Variants in JMJD6 observed in about 807,000 individuals in gnomAD.
JMJD6 encodes bifunctional arginine demethylase and lysyl-hydroxylase JMJD6.
JMJD6 carries 17 observed loss-of-function variants against 45.8 expected under a neutral mutation model. That is an observed-to-expected ratio of 0.37 (90% CI 0.25 to 0.56). The LOEUF is 0.56. Ranked by LOEUF, JMJD6 falls within the 20% of genes least tolerant of loss-of-function variation. The pLI is 0.79. For missense variants in JMJD6, 470 were observed against 517.5 expected (o/e 0.91, Z 0.89); for synonymous variants, 221 against 196.3 (o/e 1.13, Z -1.05).
chr17:76,716,768 T>A, downstream of JMJD6: 1 of 1,608,906 alleles, frequency 6.2e-7, no homozygotes, highest in Non-Finnish European at 8.5e-7. Flanking sequence ...GTAGACAGCA[T>A]GCTGGGTACA....
Position 76,726,381 on chromosome 17 carries a change from T to C in JMJD6, c.95A>G (p.Tyr32Cys), listed in dbSNP as rs755137424. The C allele has an allele frequency of 8.4e-5, 134 of 1,602,080 alleles. No individual in the cohort carries two copies. Among genetic ancestry groups the C allele is most frequent in the East Asian group, 9.3e-5 (4 of 43,102 alleles). Residue 32 changes from tyrosine (Y) to cysteine (C), a missense_variant, in exon 1 of 6, where the codon TAC (tyrosine) becomes TGC (cysteine). Transcript: ENST00000397625. Reference protein sequence around the residue: ...DSLDWTRHNYYESFSLSPAAV... With the variant: ...DSLDWTRHNYCESFSLSPAAV... Reference sequence around the variant, plus strand: ...CGCCGGGCTCAGCGAGAAGCTCTCGTAGTAGTTGTGCCGGGTCCAATCCAG... The same window carrying C: ...CGCCGGGCTCAGCGAGAAGCTCTCGCAGTAGTTGTGCCGGGTCCAATCCAG...
At chr17:76,716,123 T>A (rs1469752052), downstream of JMJD6, 1 of 152,734 alleles carries the variant, frequency 6.5e-6, no homozygotes, top group Non-Finnish European at 1.5e-5. Context: ...TCAGTCTCTA[T>A]GATGATGGAG....
chr17:76,717,123 G>A (rs1202942985), downstream of JMJD6, among the ~76,000 whole-genome samples: 2 of 152,166 alleles, frequency 1.3e-5, no homozygotes, highest in Non-Finnish European at 2.9e-5. Context: ...GAAAGACTGA[G>A]CTGCTGGGAG....
chr17:76,717,466 G>A (rs1426963405), downstream of JMJD6, among the ~76,000 whole-genome samples: 1 of 152,200 alleles, frequency 6.6e-6, no homozygotes, highest in Non-Finnish European at 1.5e-5. Context: ...TCCATTATGA[G>A]CCTGTTACAT....
At chr17:76,722,056 G>A (rs2076832260) in intron 3 of JMJD6, 123 bp from the exon 4 acceptor site, 2 of 1,040,536 alleles carry the variant, frequency 1.9e-6, no homozygotes, top group Admixed American at 2.7e-5. Context: ...CATGATACAG[G>A]GTAGTTCCTT....
chr17:76,713,031 T>C (rs1458444616), exon 7 of JMJD6: 3 of 152,222 alleles, frequency 2.0e-5, no homozygotes, highest in Non-Finnish European at 2.9e-5. Context: ...AGTTCTTCTG[T>C]AGCATCCAGT....
intron 2 of JMJD6, among the ~76,000 whole-genome samples, chr17:76,725,013 A>G (rs905279952): frequency 2.0e-5 from 3 of 152,192 alleles, no homozygotes; most frequent in Non-Finnish European, 4.4e-5. Context: ...GGCAGGCCTC[A>G]GGAGCCCCCT....
downstream of JMJD6, among the ~76,000 whole-genome samples, chr17:76,717,379 C>T (rs531291918): frequency 2.8e-4 from 42 of 152,288 alleles, no homozygotes; most frequent in South Asian, 8.3e-3. Context: ...CTTCCAACAA[C>T]CTCTCTTAAC....
chr17:76,713,619 G>A (rs974439490), downstream of JMJD6: 6 of 152,028 alleles, frequency 3.9e-5, no homozygotes, highest in African/African-American at 1.2e-4. Flanking sequence ...CCTACAGCTG[G>A]GGCATCCTTA....
chr17:76,722,213 T>A (rs2076834362), intron 3 of JMJD6, among the ~76,000 whole-genome samples: 1 of 152,178 alleles, frequency 6.6e-6, no homozygotes, highest in African/African-American at 2.4e-5. Flanking sequence ...TTACCTAAAA[T>A]ATTGACTCCC....
At chr17:76,723,247 GCATA>G (rs1598379316) in intron 3 of JMJD6, among the ~76,000 whole-genome samples, 2 of 151,922 alleles carry the variant, frequency 1.3e-5, no homozygotes, top group East Asian at 3.9e-4. Flanking sequence ...CACCGGGCCT[GCATA>G]CAGTTTATCA....
Position 76,723,821 on chromosome 17 carries a change from G to A in JMJD6, c.756C>T (p.Phe252=). The A allele has an allele frequency of 6.2e-7, 1 of 1,614,156 alleles. No homozygotes were observed. The highest frequency in any genetic ancestry group is 8.5e-7 in the Non-Finnish European group (1 of 1,180,024). ...RTQLPTWPPE[F]KPLEILQKPG... is the part of the protein sequence containing the mutation. Reference sequence around the variant, plus strand: ...GTTTTTGTAAGATTTCCAGGGGTTTGAATTCAGGTGGCCAGGTTGGAAGCT... The same window carrying A: ...GTTTTTGTAAGATTTCCAGGGGTTTAAATTCAGGTGGCCAGGTTGGAAGCT... Residue 252 remains phenylalanine, a synonymous_variant, in exon 3 of 6, where the codon TTC becomes TTT. Coordinates refer to ENST00000397625, the MANE Select transcript of JMJD6 (RefSeq NM_015167.3).
Position 76,724,063 on chromosome 17 carries a change from A to G in JMJD6, c.519-5T>C, listed in dbSNP as rs777180501. 3 of 1,612,452 alleles carry G rather than the reference A, an allele frequency of 1.9e-6. No homozygotes were observed. Among genetic ancestry groups the G allele is most frequent in the Non-Finnish European group, 2.5e-6 (3 of 1,178,754 alleles). On this transcript the variant is annotated splice_region_variant and splice_polypyrimidine_tract_variant and intron_variant, in intron 2 of 5. Coordinates refer to ENST00000397625, the MANE Select transcript of JMJD6 (RefSeq NM_015167.3). Reference sequence around the variant, plus strand: ...GGTGGCCCCATCACAAACCACCTACAGAATGGAGATATCCAAGATGTGAAG... The same window carrying G: ...GGTGGCCCCATCACAAACCACCTACGGAATGGAGATATCCAAGATGTGAAG...
Position 76,721,785 on chromosome 17 carries a change from A to C in JMJD6, c.941+13T>G. 1 of 1,608,416 alleles carries C rather than the reference A, an allele frequency of 6.2e-7. No individual in the cohort carries two copies. The highest frequency in any genetic ancestry group is 8.5e-7 in the Non-Finnish European group (1 of 1,177,336). ...TTGAAACCAAGCAGAAATAAGAAAA[A>C]AATGACTCTCACCTATACCATTTCC... is the stretch of plus-strand genomic sequence containing the variant. On this transcript the variant is annotated intron_variant, in intron 4 of 5. Coordinates refer to ENST00000397625, the MANE Select transcript of JMJD6 (RefSeq NM_015167.3).
downstream of JMJD6, among the ~76,000 whole-genome samples, chr17:76,718,034 G>A (rs1039042296): frequency 6.0e-5 from 9 of 150,952 alleles, no homozygotes; most frequent in Admixed American, 4.0e-4. Flanking sequence ...ATGGTGGGGT[G>A]AATCTGTAGT....
At position 76,724,123 on chromosome 17, in the gene JMJD6, T is replaced by C. The variant is rs2076865149; in HGVS notation, c.519-65A>G. The C allele has an allele frequency of 3.9e-6, 6 of 1,549,838 alleles. No individual in the cohort carries two copies. In the East Asian group the frequency reaches 1.4e-4, roughly 35 times the overall value. On this transcript the variant is annotated intron_variant, in intron 2 of 5. Coordinates refer to ENST00000397625, the MANE Select transcript of JMJD6 (RefSeq NM_015167.3). ...CTTACACACATACCACACAAAACAA[T>C]AAGTTTTTAGTTTTTCTTTGAGAGT...
chr17:76,724,945 C>T (rs967432419), intron 2 of JMJD6, among the ~76,000 whole-genome samples: 1 of 152,180 alleles, frequency 6.6e-6, no homozygotes, highest in African/African-American at 2.4e-5. Flanking sequence ...GAAGAGCTTT[C>T]AGAAATTCTG....
intron 4 of JMJD6, among the ~76,000 whole-genome samples, 180 bp downstream of exon 4, chr17:76,721,618 G>A (rs892047720): frequency 7.2e-5 from 11 of 152,076 alleles, no homozygotes; most frequent in Admixed American, 6.6e-4. Context: ...CGAGGCTGGC[G>A]AACACCCTGA....
At chr17:76,715,930 C>T (rs2076760575), downstream of JMJD6, 1 of 152,212 alleles carries the variant, frequency 6.6e-6, no homozygotes, top group Non-Finnish European at 1.5e-5. Flanking sequence ...ACGCTAATCT[C>T]AGAGTACCTC....
Sources: allele counts gnomAD v4.1 joint callset (sites outside exome capture counted in the v4.1 genomes callset), GRCh38; gene constraint gnomAD v4.1.1; transcripts MANE v1.5; gene names NCBI Gene and HGNC (gene_info 2026-07-23, HGNC 2026-07-21).